GNB1L: variants seen among roughly 807,000 people sequenced by gnomAD.
The protein encoded by GNB1L is guanine nucleotide-binding protein subunit beta-like protein 1.
GNB1L carries 20 observed loss-of-function variants against 29.1 expected under a neutral mutation model. The ratio of observed to expected loss-of-function variants is 0.69; its 90% CI spans 0.48 to 1.00. The LOEUF (loss-of-function observed/expected upper bound fraction) is 1.00. GNB1L is among the 50% of genes least tolerant of loss of function. The pLI is 0.00. For synonymous variants in GNB1L, 193 were observed against 206.5 expected, an observed-to-expected ratio of 0.93 and a Z score of 0.56; for missense variants, 421 against 464.9, an observed-to-expected ratio of 0.91 and a Z score of 0.87.
At chr22:19,852,334 C>T (rs1430254218) in intron 2 of GNB1L, 3 of 1,482,776 alleles carry the variant, frequency 2.0e-6, no homozygotes, top group Admixed American at 1.9e-5. Context: ...ATGTGGCTTG[C>T]ACGACACAAC....
rs1036830717 is a variant in GNB1L at position 19,792,699 on chromosome 22, C to G, written c.733-3739G>C. 3 of 1,471,016 alleles carry G rather than the reference C, an allele frequency of 2.0e-6. No individual in the cohort carries two copies. In the Middle Eastern group the frequency reaches 7.2e-4, roughly 351 times the overall value. 91.1% of individuals were successfully genotyped at this position (1,471,016 alleles called of 1,614,324 possible). On this transcript the variant is annotated intron_variant, in intron 7 of 7. Coordinates refer to ENST00000329517, the MANE Select transcript of GNB1L (RefSeq NM_053004.3). Reference sequence around the variant, plus strand: ...CGTCCCCACCAAGAGACCACCTGTCCTTCGAGCAGGAGTTAACATCGTCAC... The same window carrying G: ...CGTCCCCACCAAGAGACCACCTGTCGTTCGAGCAGGAGTTAACATCGTCAC...
chr22:19,840,533 A>G (rs895362015), intron 2 of GNB1L, among the ~76,000 whole-genome samples: 2 of 152,144 alleles, frequency 1.3e-5, no homozygotes, highest in African/African-American at 4.8e-5. Flanking sequence ...GGAATGGGCC[A>G]GGTGCATGGC....
At chr22:19,839,899 T>C (rs1035406495) in intron 2 of GNB1L, among the ~76,000 whole-genome samples, 1 of 143,074 alleles carries the variant, frequency 7.0e-6, no homozygotes, top group African/African-American at 2.5e-5. Flanking sequence ...ATAACAATAA[T>C]AATAATAATA....
Position 19,788,291 on chromosome 22 carries a change from G to GTGGCCCAT in GNB1L, c.*410_*417dup, listed in dbSNP as rs1286222686. ...CTGGCCCAGGAAACCCACACTCGGG[G>GTGGCCCAT]TGGCCCATTCAACAGCAGGTGTGAG... On this transcript the variant is annotated 3_prime_UTR_variant, in exon 8 of 8. Coordinates refer to ENST00000329517, the MANE Select transcript of GNB1L (RefSeq NM_053004.3). The GTGGCCCAT allele has an allele frequency of 7.2e-5, 35 of 488,686 alleles. No homozygotes were observed. In the Middle Eastern group the frequency reaches 1.7e-3, roughly 23 times the overall value. The allele number at this position is 488,686 out of a possible 1,614,324, so 30.3% of individuals were successfully genotyped here.
At position 19,821,140 on chromosome 22, in the gene GNB1L, AC is replaced by A. The variant is rs1321435565; in HGVS notation, c.128+87del. Reference sequence around the variant, plus strand: ...GAGCAGTCCATGCCCCTTGGCCAGCACCCTCAAACAAGCGCTGGGCTCCTTG... The same window carrying A: ...GAGCAGTCCATGCCCCTTGGCCAGCACCTCAAACAAGCGCTGGGCTCCTTG... On this transcript the variant is annotated intron_variant, in intron 3 of 7. Transcript: ENST00000329517. 4 of 1,347,570 alleles carry A rather than the reference AC, an allele frequency of 3.0e-6. No individual in the cohort carries two copies. The Admixed American group carries it at 7.7e-5, about 26-fold the overall frequency. The allele number at this position is 1,347,570 out of a possible 1,614,324, so 83.5% of individuals were successfully genotyped here. A position where few individuals can be genotyped will look rare whatever the true frequency, so the allele number is the denominator to read the frequency against.
chr22:19,793,020 G>A, intron 7 of GNB1L: 1 of 1,593,694 alleles, frequency 6.3e-7, no homozygotes, highest in South Asian at 1.1e-5. Flanking sequence ...CAACATCCTG[G>A]GTCCTAAGTC....
At chr22:19,831,464 G>A (rs1937679060) in intron 2 of GNB1L, among the ~76,000 whole-genome samples, 1 of 152,048 alleles carries the variant, frequency 6.6e-6, no homozygotes, top group Non-Finnish European at 1.5e-5. Context: ...GGCTGAGGCG[G>A]GAGGATCACA....
In GNB1L at chr22:19,793,085, A is replaced by T. The variant is rs1685676444; in HGVS notation, c.733-4125T>A. 4 of 1,564,294 alleles carry T rather than the reference A, an allele frequency of 2.6e-6. No individual in the cohort carries two copies. The African/African-American group carries it at 5.4e-5, about 21-fold the overall frequency. ...CAAAGGCTAAAGAACTTGCCACTAA[A>T]CTGGGTTAAATGTACACTGTTGAGT... On this transcript the variant is annotated intron_variant, in intron 7 of 7. Transcript: ENST00000329517.
chr22:19,802,522 C>A (rs375375587), intron 6 of GNB1L, among the ~76,000 whole-genome samples: 7 of 152,348 alleles, frequency 4.6e-5, no homozygotes, highest in African/African-American at 1.7e-4. Context: ...ACCAGCCCTG[C>A]AACCTGCATG....
chr22:19,846,165 T>C (rs1937955784), intron 2 of GNB1L: 1 of 152,920 alleles, frequency 6.5e-6, no homozygotes, highest in Non-Finnish European at 1.5e-5. Flanking sequence ...CAAAAATTTA[T>C]TTCTTGCTCA....
At chr22:19,807,969 C>G (rs1422469264) in intron 5 of GNB1L, among the ~76,000 whole-genome samples, 1 of 152,232 alleles carries the variant, frequency 6.6e-6, no homozygotes, top group African/African-American at 2.4e-5. Context: ...CTACAGAGAC[C>G]TGCTGAGGCG....
At chr22:19,837,614 T>C (rs1210201409) in intron 2 of GNB1L, among the ~76,000 whole-genome samples, 4 of 152,314 alleles carry the variant, frequency 2.6e-5, no homozygotes, top group Admixed American at 2.0e-4. Context: ...TATGAAGTAA[T>C]TGAAACTCTC....
intron 2 of GNB1L, among the ~76,000 whole-genome samples, chr22:19,837,629 G>A (rs7285519): frequency 0.27 from 41,579 of 152,080 alleles, 5,774 homozygotes; most frequent in East Asian, 0.35. Context: ...ACTCTCATAC[G>A]CTGCTGATGG....
At chr22:19,803,667 C>T (rs943107817) in intron 6 of GNB1L, among the ~76,000 whole-genome samples, 1 of 152,186 alleles carries the variant, frequency 6.6e-6, no homozygotes, top group Non-Finnish European at 1.5e-5. Flanking sequence ...CCCTGGCTCC[C>T]TAGAAGGGCC....
chr22:19,832,852 A>G (rs1193324963), intron 2 of GNB1L, among the ~76,000 whole-genome samples: 1 of 152,248 alleles, frequency 6.6e-6, no homozygotes, highest in Non-Finnish European at 1.5e-5. Flanking sequence ...TACACAGGGC[A>G]GACCCAAAGC....
At chr22:19,796,501 C>T (rs1937307797) in intron 7 of GNB1L, among the ~76,000 whole-genome samples, 1 of 152,144 alleles carries the variant, frequency 6.6e-6, no homozygotes, top group Non-Finnish European at 1.5e-5. Context: ...TGTTCCCAGA[C>T]CACAATGTTA....
chr22:19,831,213 A>G (rs1601343048), intron 2 of GNB1L, among the ~76,000 whole-genome samples: 1 of 151,748 alleles, frequency 6.6e-6, no homozygotes, highest in South Asian at 2.1e-4. Flanking sequence ...ATACAAAATT[A>G]TCTGGGCGCG....
intron 7 of GNB1L, among the ~76,000 whole-genome samples, chr22:19,789,530 G>A (rs1569036519): frequency 6.6e-6 from 1 of 152,034 alleles, no homozygotes. Context: ...AGGGGGAGAC[G>A]CCCTGGAGGC....
At chr22:19,853,396 C>T (rs929127376) in intron 2 of GNB1L, among the ~76,000 whole-genome samples, 5 of 152,140 alleles carry the variant, frequency 3.3e-5, no homozygotes, top group African/African-American at 1.2e-4. Flanking sequence ...TATTCCAGTG[C>T]AAGGAGCCCT....
Sources: allele counts gnomAD v4.1 joint callset (sites outside exome capture counted in the v4.1 genomes callset), GRCh38; gene constraint gnomAD v4.1.1; transcripts MANE v1.5; gene names NCBI Gene and HGNC (gene_info 2026-07-23, HGNC 2026-07-21).